EPC2: variants seen among roughly 807,000 people sequenced by gnomAD.
EPC2 encodes enhancer of polycomb 2, also known as enhancer of polycomb homolog 2.
EPC2 carries 14 observed loss-of-function variants against 92.1 expected under a neutral mutation model. The ratio of observed to expected loss-of-function variants is 0.15; its 90% confidence interval spans 0.10 to 0.24. EPC2 has a LOEUF of 0.24. EPC2 is among the 10% of genes least tolerant of loss of function. The probability of loss-of-function intolerance (pLI) is 1.00; values close to 1 mark genes in which losing one functional copy is unlikely to be tolerated. For missense variants in EPC2, 755 were observed against 971.5 expected, an observed-to-expected ratio of 0.78 and a Z score of 2.96; for synonymous variants, 340 against 334.7, an observed-to-expected ratio of 1.02 and a Z score of -0.17.
At chr2:148,649,566 ATC>A (rs1246955921) in intron 1 of EPC2, among the ~76,000 whole-genome samples, 2 of 152,204 alleles carry the variant, frequency 1.3e-5, no homozygotes, top group African/African-American at 4.8e-5. Flanking sequence ...ATCTTTATGC[ATC>A]TCTCTGATTT....
At chr2:148,707,701 A>G (rs911864450) in intron 2 of EPC2, among the ~76,000 whole-genome samples, 30 of 152,308 alleles carry the variant, frequency 2.0e-4, no homozygotes, top group South Asian at 2.1e-4. Context: ...AACTCACTCA[A>G]AACTGCTCAA....
At chr2:148,667,224 A>G (rs1681073204) in intron 1 of EPC2, among the ~76,000 whole-genome samples, 1 of 152,246 alleles carries the variant, frequency 6.6e-6, no homozygotes, top group Admixed American at 6.5e-5. Context: ...AGACTTTGCC[A>G]ATCAAAACTC....
chr2:148,769,360 C>A, intron 8 of EPC2, 120 bp downstream of exon 8: 2 of 694,538 alleles, frequency 2.9e-6, no homozygotes, highest in Non-Finnish European at 5.1e-6. Flanking sequence ...TATTTAACAT[C>A]CTTTATGTGG....
chr2:148,741,023 A>G (rs1391142379), intron 2 of EPC2, among the ~76,000 whole-genome samples: 2 of 152,160 alleles, frequency 1.3e-5, no homozygotes, highest in African/African-American at 4.8e-5. Context: ...ATGCTTTTGA[A>G]TTATTGATTA....
At chr2:148,687,941 T>A (rs1354479779) in intron 1 of EPC2, among the ~76,000 whole-genome samples, 1 of 152,218 alleles carries the variant, frequency 6.6e-6, no homozygotes, top group Non-Finnish European at 1.5e-5. Flanking sequence ...ATCAAACTAA[T>A]CTACTGTGTA....
chr2:148,766,322 G>T (rs954417261), intron 7 of EPC2, among the ~76,000 whole-genome samples: 3 of 152,166 alleles, frequency 2.0e-5, no homozygotes, highest in African/African-American at 7.2e-5. Context: ...TGCATAAAAT[G>T]TGTCCATTTG....
In EPC2 at chr2:148,784,652, CTTCT is replaced by C; in HGVS notation, c.2018-9_2018-6del. On this transcript the variant is annotated splice_polypyrimidine_tract_variant and intron_variant, in intron 12 of 13. Transcript: ENST00000258484. Reference sequence around the variant, plus strand: ...ATGTCTCATGATACTAGTTGAATGACTTCTTTCTTTTTCAGGAACCTCTAAAACA... The same window carrying C: ...ATGTCTCATGATACTAGTTGAATGACTTCTTTTTCAGGAACCTCTAAAACA... The C allele has an allele frequency of 1.3e-6, 2 of 1,548,108 alleles. No individual in the cohort carries two copies. The highest frequency in any genetic ancestry group is 1.8e-6 in the Non-Finnish European group (2 of 1,142,548).
intron 1 of EPC2, among the ~76,000 whole-genome samples, chr2:148,662,072 A>C (rs1431967537): frequency 6.6e-6 from 1 of 152,244 alleles, no homozygotes; most frequent in African/African-American, 2.4e-5. Context: ...AAAAATGCTC[A>C]TCATCACTGG....
intron 1 of EPC2, among the ~76,000 whole-genome samples, chr2:148,673,785 C>T (rs139876377): frequency 1.3e-5 from 2 of 152,064 alleles, no homozygotes; most frequent in South Asian, 2.1e-4. Flanking sequence ...GGGGTTTTGC[C>T]GTGTTGGTCA....
intron 1 of EPC2, among the ~76,000 whole-genome samples, chr2:148,667,448 A>C (rs774667839): frequency 2.4e-4 from 37 of 152,248 alleles, no homozygotes; most frequent in Non-Finnish European, 5.0e-4. Context: ...ATAGAATTAC[A>C]GTAGATTTTT....
At chr2:148,720,605 T>C (rs531373324) in intron 2 of EPC2, among the ~76,000 whole-genome samples, 27 of 152,326 alleles carry the variant, frequency 1.8e-4, no homozygotes, top group African/African-American at 5.0e-4. Flanking sequence ...CTCCGTGTGT[T>C]GGCCCCAAGG....
intron 1 of EPC2, among the ~76,000 whole-genome samples, chr2:148,685,542 C>T (rs944527367): frequency 6.6e-6 from 1 of 152,142 alleles, no homozygotes; most frequent in African/African-American, 2.4e-5. Flanking sequence ...GGGCAGATCA[C>T]GAGGTCAGGA....
intron 1 of EPC2, among the ~76,000 whole-genome samples, chr2:148,687,438 T>C (rs976299495): frequency 3.3e-5 from 5 of 152,240 alleles, no homozygotes; most frequent in African/African-American, 9.6e-5. Context: ...GCAGAAAATG[T>C]GGCTTTATAA....
intron 2 of EPC2, among the ~76,000 whole-genome samples, chr2:148,701,413 C>T (rs2105377544): frequency 6.6e-6 from 1 of 152,232 alleles, no homozygotes; most frequent in South Asian, 2.1e-4. Flanking sequence ...AGTTCTTTAT[C>T]AAGTTGAAGA....
chr2:148,735,527 T>C (rs1206421752), intron 2 of EPC2, among the ~76,000 whole-genome samples: 3 of 151,968 alleles, frequency 2.0e-5, no homozygotes, highest in Non-Finnish European at 2.9e-5. Context: ...TTAAAAACTT[T>C]TATGGAAAAA....
chr2:148,692,024 A>C (rs1437698362), intron 2 of EPC2: 3 of 334,000 alleles, frequency 9.0e-6, no homozygotes, highest in African/African-American at 4.3e-5. Flanking sequence ...TCTAGTATGA[A>C]TATTAGGTTC....
chr2:148,706,804 T>C (rs1682009122), intron 2 of EPC2, among the ~76,000 whole-genome samples: 1 of 152,018 alleles, frequency 6.6e-6, no homozygotes, highest in African/African-American at 2.4e-5. Context: ...TGCTGAGAGA[T>C]TTTTGTCACC....
At chr2:148,651,910 A>AG (rs1238803633) in intron 1 of EPC2, among the ~76,000 whole-genome samples, 2 of 152,204 alleles carry the variant, frequency 1.3e-5, no homozygotes, top group African/African-American at 4.8e-5. Flanking sequence ...CGTCTAAAAA[A>AG]GAACATGCTA....
At position 148,758,674 on chromosome 2, in the gene EPC2, G is replaced by A. The variant is rs1683240519; in HGVS notation, c.667-3108G>A. ...GCCTTCCAAAGTGCTGGGATTGCAG[G>A]CATGAGCTACTGTGCCCGGCCTAAC... On this transcript the variant is annotated intron_variant, in intron 4 of 13. Transcript: ENST00000258484. Among the ~76,000 whole-genome samples, 3 of 152,178 alleles carry A rather than the reference G, an allele frequency of 2.0e-5. No homozygotes were observed. In the South Asian group the frequency reaches 6.2e-4, roughly 32 times the overall value.
Sources: allele counts gnomAD v4.1 joint callset (sites outside exome capture counted in the v4.1 genomes callset), GRCh38; gene constraint gnomAD v4.1.1; transcripts MANE v1.5; gene names NCBI Gene and HGNC (gene_info 2026-07-23, HGNC 2026-07-21).